Variants in LINGO2 observed in about 807,000 individuals in gnomAD.
LINGO2 encodes leucine rich repeat and Ig domain containing 2, also known as leucine-rich repeat and immunoglobulin-like domain-containing nogo receptor-interacting protein 2.
A neutral mutation model predicts 30.6 loss-of-function variants in LINGO2; 14 were observed. The observed-to-expected ratio is 0.46, with a 90% CI of 0.30 to 0.72. LINGO2 has a LOEUF of 0.72. Ranked by LOEUF, LINGO2 falls within the 30% of genes least tolerant of loss-of-function variation. The pLI, the probability that LINGO2 is intolerant of heterozygous loss-of-function variation, is 0.07. For missense variants in LINGO2, 729 were observed against 751.7 expected (o/e 0.97, Z 0.35); for synonymous variants, 317 against 288.5 (o/e 1.10, Z -1.00).
the LINGO2 span, among the ~76,000 whole-genome samples, chr9:29,001,250 T>C: frequency 2.0e-5 from 3 of 152,128 alleles, no homozygotes; most frequent in East Asian, 3.9e-4. Context: ...TCCATCATTA[T>C]AGGCAAAGTA....
chr9:28,380,294 C>T (rs1336886308), intron 2 of LINGO2, among the ~76,000 whole-genome samples: 1 of 151,948 alleles, frequency 6.6e-6, no homozygotes, highest in East Asian at 1.9e-4. Context: ...CTTAGCCTAC[C>T]CACCAATTTC....
chr9:28,953,072 T>C, the LINGO2 span, among the ~76,000 whole-genome samples: 2 of 152,152 alleles, frequency 1.3e-5, no homozygotes, highest in African/African-American at 4.8e-5. Context: ...TGACTGGCCA[T>C]AATGAATACT....
intron 4 of LINGO2, among the ~76,000 whole-genome samples, chr9:28,120,410 TTTA>T (rs1827060919): frequency 1.3e-5 from 2 of 152,206 alleles, no homozygotes; most frequent in African/African-American, 4.8e-5. Flanking sequence ...CTTGTGCATC[TTTA>T]TTGTTGCCAG....
chr9:28,267,802 G>A (rs1822806947), intron 4 of LINGO2, among the ~76,000 whole-genome samples: 1 of 152,082 alleles, frequency 6.6e-6, no homozygotes, highest in Non-Finnish European at 1.5e-5. Context: ...AGGGCATGGA[G>A]CCTAGCACAG....
chr9:28,466,077 A>G (rs1825288484), intron 2 of LINGO2, among the ~76,000 whole-genome samples: 1 of 152,154 alleles, frequency 6.6e-6, no homozygotes, highest in South Asian at 2.1e-4. Context: ...AACTAAAAAC[A>G]GAGCTACCAT....
chr9:28,071,188 C>T (rs149488516), intron 4 of LINGO2, among the ~76,000 whole-genome samples: 1 of 152,256 alleles, frequency 6.6e-6, no homozygotes, highest in Non-Finnish European at 1.5e-5. Context: ...CAGTTTACTG[C>T]TATTGGTGCC....
At chr9:28,123,041 T>C (rs1441846542) in intron 4 of LINGO2, among the ~76,000 whole-genome samples, 1 of 152,224 alleles carries the variant, frequency 6.6e-6, no homozygotes, top group Admixed American at 6.5e-5. Context: ...TTCTCAGCAT[T>C]TGAAAAATAC....
the LINGO2 span, among the ~76,000 whole-genome samples, chr9:28,759,832 T>G: frequency 6.6e-6 from 1 of 152,072 alleles, no homozygotes. Context: ...ATATAGCTTC[T>G]AATGATCAGA....
At chr9:29,021,701 G>T in the LINGO2 span, among the ~76,000 whole-genome samples, 1 of 143,224 alleles carries the variant, frequency 7.0e-6, no homozygotes, top group African/African-American at 2.6e-5. Flanking sequence ...AGGAAGGAAG[G>T]AAGGAAGGAA....
the LINGO2 span, among the ~76,000 whole-genome samples, chr9:29,159,371 T>A: frequency 6.6e-6 from 1 of 152,202 alleles, no homozygotes; most frequent in African/African-American, 2.4e-5. Context: ...CATCTCATGA[T>A]CTTCAGGCTT....
chr9:28,735,944 C>T, the LINGO2 span, among the ~76,000 whole-genome samples: 2 of 152,248 alleles, frequency 1.3e-5, no homozygotes, highest in African/African-American at 4.8e-5. Context: ...TTGTTATCCT[C>T]AGTGAGCTGT....
intron 4 of LINGO2, among the ~76,000 whole-genome samples, chr9:28,049,027 G>A (rs1824551584): frequency 6.6e-6 from 1 of 151,002 alleles, no homozygotes; most frequent in East Asian, 2.0e-4. Context: ...AGCATTCTTT[G>A]AAGTTTTCTT....
chr9:28,029,967 G>A (rs1313682076), intron 4 of LINGO2, among the ~76,000 whole-genome samples: 1 of 152,182 alleles, frequency 6.6e-6, no homozygotes, highest in African/African-American at 2.4e-5. Flanking sequence ...CAAGTGAAGA[G>A]CGTAAGAAAA....
chr9:28,751,995 A>G, the LINGO2 span, among the ~76,000 whole-genome samples: 1 of 152,094 alleles, frequency 6.6e-6, no homozygotes, highest in Non-Finnish European at 1.5e-5. Flanking sequence ...ACATTTAAAT[A>G]GAGTAAAAAC....
At chr9:28,687,106 C>A in the LINGO2 span, among the ~76,000 whole-genome samples, 1 of 151,916 alleles carries the variant, frequency 6.6e-6, no homozygotes, top group East Asian at 1.9e-4. Context: ...CATTATAACC[C>A]AGAAACAAAC....
At chr9:28,003,002 C>T (rs1563901193) in intron 5 of LINGO2, among the ~76,000 whole-genome samples, 1 of 151,910 alleles carries the variant, frequency 6.6e-6, no homozygotes, top group East Asian at 1.9e-4. Flanking sequence ...GCTCTGGCCA[C>T]CTGTGACCCC....
Position 28,334,028 on chromosome 9 carries a change from G to T in LINGO2, c.-245-38662C>A, listed in dbSNP as rs10968515. 5.9e-3 allele frequency among the ~76,000 whole-genome samples: 899 copies of T among 152,268 alleles called. 62 individuals are homozygous for T. In the East Asian group the frequency reaches 0.15, roughly 25 times the overall value. ...TAACGCTGATTTATATTTCAGATTT[G>T]AAAATTAGATTACAGGCTTCCCCTT... On this transcript the variant is annotated intron_variant, in intron 3 of 5. Transcript: ENST00000379992.
intron 1 of LINGO2, among the ~76,000 whole-genome samples, chr9:28,557,189 T>G (rs1219663435): frequency 1.3e-5 from 2 of 151,984 alleles, no homozygotes; most frequent in East Asian, 3.9e-4. Context: ...CAAAAGAAAT[T>G]ACCATCAGAG....
chr9:28,762,586 T>C, the LINGO2 span, among the ~76,000 whole-genome samples: 1 of 152,030 alleles, frequency 6.6e-6, no homozygotes, highest in South Asian at 2.1e-4. Flanking sequence ...GCAACTTGAT[T>C]GAGGACAATG....
Sources: allele counts gnomAD v4.1 joint callset (sites outside exome capture counted in the v4.1 genomes callset), GRCh38; gene constraint gnomAD v4.1.1; transcripts MANE v1.5; gene names NCBI Gene and HGNC (gene_info 2026-07-23, HGNC 2026-07-21).